ARL4A: variants seen among roughly 807,000 people sequenced by gnomAD.
The protein encoded by ARL4A is ADP-ribosylation factor-like protein 4A.
A neutral mutation model predicts 13.9 loss-of-function variants in ARL4A; 5 were observed. The ratio of observed to expected loss-of-function variants is 0.36; its 90% confidence interval spans 0.19 to 0.75. The LOEUF (loss-of-function observed/expected upper bound fraction) is 0.75. Among genes scored for constraint, ARL4A ranks in the 30% least tolerant of loss-of-function variants. The pLI is 0.53. For synonymous variants in ARL4A, 77 were observed against 84.4 expected (o/e 0.91, Z 0.48); for missense variants, 147 against 225.8 (o/e 0.65, Z 2.24).
Position 12,688,494 on chromosome 7 carries a change from G to C in ARL4A, c.240G>C (p.Glu80Asp). The C allele has an allele frequency of 6.2e-7, 1 of 1,612,098 alleles. No individual in the cohort carries two copies. The highest frequency in any genetic ancestry group is 8.5e-7 in the Non-Finnish European group (1 of 1,179,840). ...ACTTCTGGGATGTAGGTGGTCAGGA[G>C]AAATTAAGGCCACTGTGGAAGTCAT... ...TFHFWDVGGQ[E>D]KLRPLWKSYT... Residue 80 changes from glutamate (E) to aspartate (D), a missense_variant, in exon 2 of 2, where the codon GAG becomes GAC. Physicochemically the swap from Glu to Asp is conservative, Grantham distance 45 (BLOSUM62 2). Coordinates refer to ENST00000651779, the MANE Select transcript of ARL4A (RefSeq NM_005738.5). This position sits in a 1 kb window ranked among gnomAD's most constrained non-coding sequence, Gnocchi z 5.2.
upstream of ARL4A, chr7:12,687,324 C>G (rs756898252): frequency 6.6e-6 from 1 of 152,072 alleles, no homozygotes; most frequent in Non-Finnish European, 1.5e-5. This position sits in a 1 kb window ranked among gnomAD's most constrained non-coding sequence, Gnocchi z 5.6. Context: ...TGCGCCGGGC[C>G]GAACGGAGCC....
upstream of ARL4A, chr7:12,687,466 C>T (rs1003613876): frequency 1.3e-5 from 2 of 152,530 alleles, no homozygotes; most frequent in Non-Finnish European, 2.9e-5. The surrounding 1 kb of genome is among the most constrained non-coding windows in gnomAD (Gnocchi z 5.6). Flanking sequence ...GAGAGCTCAG[C>T]TCCGCCGCGC....
At position 12,688,025 on chromosome 7, in the gene ARL4A, G is replaced by A. The variant is rs575691921; in HGVS notation, c.-89-141G>A. The A allele has an allele frequency of 9.8e-5, 49 of 499,436 alleles. No individual in the cohort carries two copies. Among genetic ancestry groups the A allele is most frequent in the African/African-American group, 7.9e-4 (41 of 51,922 alleles). The allele number at this position is 499,436 out of a possible 1,614,324, so 30.9% of individuals were successfully genotyped here. A position where few individuals can be genotyped will look rare whatever the true frequency, so the allele number is the denominator to read the frequency against. On this transcript the variant is annotated intron_variant, in intron 1 of 1. Coordinates refer to ENST00000651779, the MANE Select transcript of ARL4A (RefSeq NM_005738.5). The surrounding 1 kb of genome is among the most constrained non-coding windows in gnomAD (Gnocchi z 5.2). ...TGTCTTGGACTGTGTGTGTTTTCATGTACGTTTCATATCTCGTCTGGTTTG... is the reference window on the plus strand; with the variant it reads ...TGTCTTGGACTGTGTGTGTTTTCATATACGTTTCATATCTCGTCTGGTTTG...
rs766321778 is a variant in ARL4A at position 12,689,518 on chromosome 7, C to G, written c.*661C>G. On this transcript the variant is annotated 3_prime_UTR_variant, in exon 2 of 2. Transcript: ENST00000651779. ...CAAGTGCATGGATTAGTTTTCCTGACAAAGCATGTTTTGGTGTGTAGTCTT... is the reference window on the plus strand; with the variant it reads ...CAAGTGCATGGATTAGTTTTCCTGAGAAAGCATGTTTTGGTGTGTAGTCTT... The G allele has an allele frequency of 6.0e-6, 1 of 166,958 alleles. No individual in the cohort carries two copies. Among genetic ancestry groups the G allele is most frequent in the East Asian group, 1.9e-4 (1 of 5,192 alleles). The allele number at this position is 166,958 out of a possible 1,614,324, so 10.3% of individuals were successfully genotyped here.
upstream of ARL4A, chr7:12,687,460 G>A (rs1026919787): frequency 6.6e-6 from 1 of 152,464 alleles, no homozygotes; most frequent in African/African-American, 2.4e-5. This position sits in a 1 kb window ranked among gnomAD's most constrained non-coding sequence, Gnocchi z 5.6. Context: ...CCGAGAGAGA[G>A]CTCAGCTCCG....
rs1344708577 is a variant in ARL4A, at chr7:12,690,297, T to G, written c.*1440T>G. Reference sequence around the variant, plus strand: ...TTGTTTTGGCTTTGGGTTTTGTTTTTTTGTTTTTTTTTTTTTTCAGTGGCA... The same window carrying G: ...TTGTTTTGGCTTTGGGTTTTGTTTTGTTGTTTTTTTTTTTTTTCAGTGGCA... On this transcript the variant is annotated 3_prime_UTR_variant, in exon 2 of 2. Coordinates refer to ENST00000651779, the MANE Select transcript of ARL4A (RefSeq NM_005738.5). 1 of 142,164 alleles carries G rather than the reference T, an allele frequency of 7.0e-6. No homozygotes were observed. Among genetic ancestry groups the G allele is most frequent in the African/African-American group, 2.8e-5 (1 of 36,076 alleles). The allele number at this position is 142,164 out of a possible 1,614,324, so 8.8% of individuals were successfully genotyped here. A position where few individuals can be genotyped will look rare whatever the true frequency, so the allele number is the denominator to read the frequency against.
chr7:12,687,262 T>G (rs1190140234), upstream of ARL4A: 1 of 152,108 alleles, frequency 6.6e-6, no homozygotes, highest in Non-Finnish European at 1.5e-5. The surrounding 1 kb of genome is among the most constrained non-coding windows in gnomAD (Gnocchi z 5.6). Flanking sequence ...TGGCAGTGAC[T>G]GCGGGCCCCG....
chr7:12,688,028 C>T lies in ARL4A; in HGVS notation c.-89-138C>T. 2.0e-6 allele frequency: 1 copy of T among 496,670 alleles called. No homozygotes were observed. The highest frequency in any genetic ancestry group is 3.5e-6 in the Non-Finnish European group (1 of 289,794). 30.8% of individuals were successfully genotyped at this position (496,670 alleles called of 1,614,324 possible). On this transcript the variant is annotated intron_variant, in intron 1 of 1. Transcript: ENST00000651779. This position sits in a 1 kb window ranked among gnomAD's most constrained non-coding sequence, Gnocchi z 5.2. ...CTTGGACTGTGTGTGTTTTCATGTA[C>T]GTTTCATATCTCGTCTGGTTTGTTT...
In ARL4A at chr7:12,688,134, G is replaced by A; in HGVS notation, c.-89-32G>A. The A allele has an allele frequency of 1.4e-5, 19 of 1,390,424 alleles. No homozygotes were observed. The highest frequency in any genetic ancestry group is 1.8e-5 in the Non-Finnish European group (18 of 1,028,064). 86.1% of individuals were successfully genotyped at this position (1,390,424 alleles called of 1,614,324 possible). A position where few individuals can be genotyped will look rare whatever the true frequency, so the allele number is the denominator to read the frequency against. ...AACCTGTTTTAATGTATTATTTCGG[G>A]AGAATAACTTATTCCTTCTTCCGTC... On this transcript the variant is annotated intron_variant, in intron 1 of 1. Transcript: ENST00000651779. This position sits in a 1 kb window ranked among gnomAD's most constrained non-coding sequence, Gnocchi z 5.2.
At chr7:12,686,970 G>A (rs546959731), upstream of ARL4A, 2 of 152,168 alleles carry the variant, frequency 1.3e-5, no homozygotes, top group African/African-American at 4.8e-5. Flanking sequence ...TGGTGCCAGG[G>A]AACAGGTATC....
chr7:12,687,525 C>G (rs1784543522), upstream of ARL4A: 1 of 152,872 alleles, frequency 6.5e-6, no homozygotes, highest in Non-Finnish European at 1.5e-5. The surrounding 1 kb of genome is among the most constrained non-coding windows in gnomAD (Gnocchi z 5.6). Flanking sequence ...GCGGGAGTTG[C>G]ATGGCTTCCC....
chr7:12,689,567 C>A lies in ARL4A; in HGVS notation c.*710C>A, dbSNP rs1169485842. ...TTACTTTTTAGAAATAGCTATGCATCGTTCTACACAGGTTTAAAACAACTT... is the reference window on the plus strand; with the variant it reads ...TTACTTTTTAGAAATAGCTATGCATAGTTCTACACAGGTTTAAAACAACTT... On this transcript the variant is annotated 3_prime_UTR_variant, in exon 2 of 2. Coordinates refer to ENST00000651779, the MANE Select transcript of ARL4A (RefSeq NM_005738.5). The A allele has an allele frequency of 6.0e-6, 1 of 165,698 alleles. No individual in the cohort carries two copies. The highest frequency in any genetic ancestry group is 1.5e-5 in the Non-Finnish European group (1 of 67,976). 10.3% of individuals were successfully genotyped at this position (165,698 alleles called of 1,614,324 possible).
chr7:12,688,197 A>G lies in ARL4A; in HGVS notation c.-58A>G, dbSNP rs1583344320. ...TATAGCTGGATCAGCTACCAAGAGA[A>G]GTTGTAAACCAAGAAGAGAAAAGCA... On this transcript the variant is annotated 5_prime_UTR_variant, in exon 2 of 2. Transcript: ENST00000651779. The surrounding 1 kb of genome is among the most constrained non-coding windows in gnomAD (Gnocchi z 5.2). 1.3e-6 allele frequency: 2 copies of G among 1,516,860 alleles called. No individual in the cohort carries two copies. The highest frequency in any genetic ancestry group is 1.8e-6 in the Non-Finnish European group (2 of 1,134,382). The allele number at this position is 1,516,860 out of a possible 1,614,324, so 94.0% of individuals were successfully genotyped here.
chr7:12,689,100 A>T lies in ARL4A; in HGVS notation c.*243A>T. The T allele has an allele frequency of 2.3e-6, 1 of 425,666 alleles. No homozygotes were observed. Among genetic ancestry groups the T allele is most frequent in the Non-Finnish European group, 4.4e-6 (1 of 227,660 alleles). The allele number at this position is 425,666 out of a possible 1,614,324, so 26.4% of individuals were successfully genotyped here. A position where few individuals can be genotyped will look rare whatever the true frequency, so the allele number is the denominator to read the frequency against. On this transcript the variant is annotated 3_prime_UTR_variant, in exon 2 of 2. Transcript: ENST00000651779. The stretch of plus-strand genomic sequence containing the variant: ...TTGGTACTACCATTTGGGGAAGCCA[A>T]GCAAGGATAGTAAATTGACCAGAAC...
rs776695819 is a variant in ARL4A, at chr7:12,688,131, C to T, written c.-89-35C>T. 3 of 1,373,596 alleles carry T rather than the reference C, an allele frequency of 2.2e-6. No homozygotes were observed. The highest frequency in any genetic ancestry group is 4.8e-5 in the Admixed American group (2 of 42,062). The allele number at this position is 1,373,596 out of a possible 1,614,324, so 85.1% of individuals were successfully genotyped here. On this transcript the variant is annotated intron_variant, in intron 1 of 1. Transcript: ENST00000651779. The surrounding 1 kb of genome is among the most constrained non-coding windows in gnomAD (Gnocchi z 5.2). Reference sequence around the variant, plus strand: ...GCAAACCTGTTTTAATGTATTATTTCGGGAGAATAACTTATTCCTTCTTCC... The same window carrying T: ...GCAAACCTGTTTTAATGTATTATTTTGGGAGAATAACTTATTCCTTCTTCC...
chr7:12,688,475 G>A lies in ARL4A; in HGVS notation c.221G>A (p.Trp74Ter). ...GNSKTVTFHF[W>*]DVGGQEKLRP... ...TCTAAAACAGTCACTTTTCACTTCTGGGATGTAGGTGGTCAGGAGAAATTA... is the reference window on the plus strand; with the variant it reads ...TCTAAAACAGTCACTTTTCACTTCTAGGATGTAGGTGGTCAGGAGAAATTA... The change falls in exon 2 of 2, where the codon TGG becomes TAG. Residue 74 changes from tryptophan (W) to a stop codon, truncating the protein, a stop_gained. Coordinates refer to ENST00000651779, the MANE Select transcript of ARL4A (RefSeq NM_005738.5). LOFTEE classifies it high-confidence loss of function. The surrounding 1 kb of genome is among the most constrained non-coding windows in gnomAD (Gnocchi z 5.2). 6.2e-7 allele frequency: 1 copy of A among 1,612,250 alleles called. No homozygotes were observed. The highest frequency in any genetic ancestry group is 2.2e-5 in the East Asian group (1 of 44,886).
chr7:12,687,333 C>G (rs1784536818), upstream of ARL4A: 1 of 152,034 alleles, frequency 6.6e-6, no homozygotes, highest in African/African-American at 2.4e-5. The surrounding 1 kb of genome is among the most constrained non-coding windows in gnomAD (Gnocchi z 5.6). Context: ...CCGAACGGAG[C>G]CGGCAGCCTG....
rs1468830054 is a variant in ARL4A, at chr7:12,690,556, A to G, written c.*1699A>G. 1 of 166,226 alleles carries G rather than the reference A, an allele frequency of 6.0e-6. No individual in the cohort carries two copies. Among genetic ancestry groups the G allele is most frequent in the Admixed American group, 6.6e-5 (1 of 15,220 alleles). 10.3% of individuals were successfully genotyped at this position (166,226 alleles called of 1,614,324 possible). ...GCTTTTAATCAGATGTGTAAAAACA[A>G]TTGACCAGCTAGGCTATTTAGTCCC... On this transcript the variant is annotated 3_prime_UTR_variant, in exon 2 of 2. Coordinates refer to ENST00000651779, the MANE Select transcript of ARL4A (RefSeq NM_005738.5).
At position 12,689,889 on chromosome 7, in the gene ARL4A, AAT is replaced by A. The variant is rs1345065748; in HGVS notation, c.*1036_*1037del. ...TGTTGAGAAGAGCAAAAGCTTTATAAATATACCTGATGCGCTGTAGAATGAAA... is the reference window on the plus strand; with the variant it reads ...TGTTGAGAAGAGCAAAAGCTTTATAAATACCTGATGCGCTGTAGAATGAAA... On this transcript the variant is annotated 3_prime_UTR_variant, in exon 2 of 2. Transcript: ENST00000651779. 6.0e-6 allele frequency: 1 copy of A among 166,972 alleles called. No homozygotes were observed. Among genetic ancestry groups the A allele is most frequent in the Non-Finnish European group, 1.5e-5 (1 of 68,112 alleles). The allele number at this position is 166,972 out of a possible 1,614,324, so 10.3% of individuals were successfully genotyped here. A position where few individuals can be genotyped will look rare whatever the true frequency, so the allele number is the denominator to read the frequency against.
Sources: allele counts gnomAD v4.1 joint callset, GRCh38; gene constraint gnomAD v4.1.1; non-coding constraint Gnocchi (gnomAD v3.1); transcripts MANE v1.5; gene names NCBI Gene and HGNC (gene_info 2026-07-23, HGNC 2026-07-21).